SHROOM2: variants seen among roughly 807,000 people sequenced by gnomAD.
SHROOM2 encodes shroom family member 2.
In SHROOM2, 33 loss-of-function variants were observed where a neutral mutation model predicts 75.9. The observed-to-expected ratio is 0.43, with a 90% CI of 0.33 to 0.58. The LOEUF is 0.58. Ranked by LOEUF, SHROOM2 falls within the 20% of genes least tolerant of loss-of-function variation. The pLI is 0.04. For synonymous variants in SHROOM2, 655 were observed against 663.6 expected (o/e 0.99, Z 0.20); for missense variants, 1,434 against 1,461.2 (o/e 0.98, Z 0.30).
rs141623269 is a variant in SHROOM2 at position 9,854,495 on chromosome X, C to T, written c.166-19157C>T. The stretch of plus-strand genomic sequence containing the variant: ...CCTGGATGGGGGTCATAGTTGCCAT[C>T]CCTTTATTTTGCATTTTCTCGTGTT... On this transcript the variant is annotated intron_variant, in intron 1 of 9. Coordinates refer to ENST00000380913, the MANE Select transcript of SHROOM2 (RefSeq NM_001649.4). 2.6e-3 allele frequency among the ~76,000 whole-genome samples: 286 copies of T among 112,017 alleles called. 2 individuals are homozygous for T. Among genetic ancestry groups the T allele is most frequent in the African/African-American group, 9.1e-3 (282 of 30,881 alleles).
chrX:9,852,155 T>C (rs1025854240), intron 1 of SHROOM2, among the ~76,000 whole-genome samples: 1 of 80,558 alleles, frequency 1.2e-5, no homozygotes, highest in East Asian at 5.1e-4. Context: ...TTCACATACT[T>C]TGGAGGAGGT....
intron 1 of SHROOM2, among the ~76,000 whole-genome samples, chrX:9,806,418 C>T (rs921402375): frequency 7.4e-5 from 8 of 108,396 alleles, no homozygotes; most frequent in African/African-American, 2.7e-4. Context: ...TCAAATACAT[C>T]AAGTTAAACA....
chrX:9,936,474 G>A (rs994627752), intron 6 of SHROOM2, among the ~76,000 whole-genome samples: 5 of 111,877 alleles, frequency 4.5e-5, no homozygotes, highest in East Asian at 2.8e-4. Context: ...CCGATGACTC[G>A]CTGCTTACTG....
chrX:9,873,758 G>A lies in SHROOM2; in HGVS notation c.272G>A (p.Cys91Tyr). 8.3e-7 allele frequency: 1 copy of A among 1,211,581 alleles called. No homozygotes were observed. The highest frequency in any genetic ancestry group is 1.1e-6 in the Non-Finnish European group (1 of 895,413). Residue 91 changes from cysteine to tyrosine, a missense_variant, in exon 2 of 10, where the codon TGC (cysteine) becomes TAC (tyrosine). This residue lies in a region of SHROOM2 where 1,340 missense variants were observed against 1,338.3 expected (regional missense o/e 1.00). Transcript: ENST00000380913. ...TCAGGGTTTAGACAGGAAGCGATTTGCCTGGTGAAGGGGTCCCATAAGACC... is the reference window on the plus strand; with the variant it reads ...TCAGGGTTTAGACAGGAAGCGATTTACCTGGTGAAGGGGTCCCATAAGACC... ...GLSGFRQEAI[C>Y]LVKGSHKTLK...
intron 1 of SHROOM2, among the ~76,000 whole-genome samples, chrX:9,787,963 A>C (rs866896565): frequency 2.1e-5 from 2 of 93,292 alleles, no homozygotes; most frequent in South Asian, 1.0e-3. Context: ...TTTTTCTTTT[A>C]TTTCTTTTCT....
rs753011976 is a variant in SHROOM2 at position 9,825,922 on chromosome X, C to T, written c.165+39212C>T. ...TGTAGCCTGCTGTGCTTCTGGGCAC[C>T]CAACACGACACACAACCGTGTGTGT... On this transcript the variant is annotated intron_variant, in intron 1 of 9. Coordinates refer to ENST00000380913, the MANE Select transcript of SHROOM2 (RefSeq NM_001649.4). 2.7e-5 allele frequency among the ~76,000 whole-genome samples: 3 copies of T among 112,338 alleles called. No individual in the cohort carries two copies. In the East Asian group the frequency reaches 8.4e-4, roughly 31 times the overall value.
At chrX:9,790,219 A>G (rs1041132871) in intron 1 of SHROOM2, among the ~76,000 whole-genome samples, 32 of 111,229 alleles carry the variant, frequency 2.9e-4, no homozygotes, top group Non-Finnish European at 5.7e-4. Context: ...CGCGCCTCTG[A>G]TGTACCTTAC....
At chrX:9,881,483 T>C (rs2239427) in intron 2 of SHROOM2, among the ~76,000 whole-genome samples, 32,550 of 110,956 alleles carry the variant, frequency 0.29, 5,430 homozygotes, top group African/African-American at 0.62. Context: ...TTATCAGCCA[T>C]TCGGCATATG....
chrX:9,896,167 G>A lies in SHROOM2; in HGVS notation c.2259G>A (p.Arg753=), dbSNP rs746261120. Residue 753 remains arginine, a synonymous_variant, in exon 4 of 10, where the codon CGG becomes CGA. Transcript: ENST00000380913. ...PHPPRIGGRR[R]FTAEQKLKSY... ...CGCCCCGCATCGGAGGCCGGAGACG[G>A]TTCACAGCTGAGCAGAAATTGAAGT... 25 of 1,208,848 alleles carry A rather than the reference G, an allele frequency of 2.1e-5. No homozygotes were observed. Among genetic ancestry groups the A allele is most frequent in the Non-Finnish European group, 1.8e-5 (16 of 894,706 alleles).
chrX:9,921,544 G>A (rs760541392), intron 5 of SHROOM2, among the ~76,000 whole-genome samples: 2 of 94,530 alleles, frequency 2.1e-5, no homozygotes, highest in South Asian at 4.4e-4. Context: ...CAGACGCTGC[G>A]CTGTGCAGTA....
At chrX:9,945,777 T>G (rs779950921) in intron 9 of SHROOM2, among the ~76,000 whole-genome samples, 1 of 112,213 alleles carries the variant, frequency 8.9e-6, no homozygotes, top group Non-Finnish European at 1.9e-5. Context: ...GGGTCTGTCT[T>G]TTCGTCCTTT....
intron 1 of SHROOM2, among the ~76,000 whole-genome samples, chrX:9,821,198 A>G (rs1188346502): frequency 8.9e-6 from 1 of 112,226 alleles, no homozygotes; most frequent in African/African-American, 3.2e-5. Flanking sequence ...ACTGCTCTAC[A>G]GAGATGTGGC....
intron 2 of SHROOM2, among the ~76,000 whole-genome samples, chrX:9,886,344 G>T (rs755552465): frequency 2.7e-3 from 305 of 112,164 alleles, no homozygotes; most frequent in African/African-American, 9.6e-3. Flanking sequence ...CCTGCATTTT[G>T]ACCTCAACCC....
At chrX:9,815,951 G>A (rs1429753821) in intron 1 of SHROOM2, among the ~76,000 whole-genome samples, 1 of 111,959 alleles carries the variant, frequency 8.9e-6, no homozygotes, top group Non-Finnish European at 1.9e-5. Context: ...TGTATCCTTC[G>A]ATCCAGTCAA....
At chrX:9,888,062 G>A (rs766928218) in intron 2 of SHROOM2, among the ~76,000 whole-genome samples, 6 of 113,171 alleles carry the variant, frequency 5.3e-5, no homozygotes, top group Non-Finnish European at 1.1e-4. Flanking sequence ...TGACTCGTCA[G>A]TGGCTACACC....
chrX:9,908,717 G>A lies in SHROOM2; in HGVS notation c.2891+10427G>A, dbSNP rs772186728. On this transcript the variant is annotated intron_variant, in intron 5 of 9. Coordinates refer to ENST00000380913, the MANE Select transcript of SHROOM2 (RefSeq NM_001649.4). ...CATGCCTATAATCCCAGCACTTTGG[G>A]AGGCTGAGAGGATTGCTTGAGCCCA... 8.1e-5 allele frequency among the ~76,000 whole-genome samples: 9 copies of A among 110,489 alleles called. No homozygotes were observed. In the South Asian group the frequency reaches 3.5e-3, roughly 42 times the overall value.
chrX:9,808,628 A>C (rs948362312), intron 1 of SHROOM2, among the ~76,000 whole-genome samples: 3 of 109,958 alleles, frequency 2.7e-5, no homozygotes, highest in African/African-American at 9.9e-5. Context: ...TTGGGAGGCC[A>C]AGGTGGGTGG....
At position 9,937,137 on chromosome X, in the gene SHROOM2, T is replaced by A; in HGVS notation, c.3591T>A (p.Ile1197=). 2 of 1,188,178 alleles carry A rather than the reference T, an allele frequency of 1.7e-6. No individual in the cohort carries two copies. Among genetic ancestry groups the A allele is most frequent in the Non-Finnish European group, 2.3e-6 (2 of 883,309 alleles). Residue 1197 remains isoleucine, a synonymous_variant, in exon 7 of 10, where the codon ATT becomes ATA. Coordinates refer to ENST00000380913, the MANE Select transcript of SHROOM2 (RefSeq NM_001649.4). The part of the protein sequence containing the change: ...LLIQDEDSTR[I]ERVMDNNTTV... ...CAGCAGACTGTTCATCTTCCAGAAT[T>A]GAGCGGGTGATGGACAACAACACCA...
intron 5 of SHROOM2, among the ~76,000 whole-genome samples, chrX:9,918,887 G>A (rs1249191756): frequency 8.9e-6 from 1 of 111,827 alleles, no homozygotes; most frequent in Non-Finnish European, 1.9e-5. Flanking sequence ...CTATCCCATT[G>A]GGGTTAGGAT....
Sources: allele counts gnomAD v4.1 joint callset (sites outside exome capture counted in the v4.1 genomes callset), GRCh38; gene constraint gnomAD v4.1.1; regional missense constraint gnomAD v4.1.1; transcripts MANE v1.5; gene names NCBI Gene and HGNC (gene_info 2026-07-23, HGNC 2026-07-21).